Variants in SPTY2D1 observed in about 807,000 individuals in gnomAD.
SPTY2D1 encodes the protein SPT2 chromatin protein domain containing 1, also known as protein SPT2 homolog.
Under a neutral mutation model 64.0 loss-of-function variants are expected in SPTY2D1, and 21 were observed. That is an observed-to-expected ratio of 0.33 (90% confidence interval 0.23 to 0.47). The LOEUF is 0.47. Among genes scored for constraint, SPTY2D1 ranks in the 20% least tolerant of loss-of-function variants. The pLI is 1.00. For synonymous variants in SPTY2D1, 287 were observed against 286.8 expected (o/e 1.00, Z -0.01); for missense variants, 724 against 837.2 (o/e 0.86, Z 1.67).
chr11:18,624,138 T>C (rs1473104450), intron 1 of SPTY2D1, among the ~76,000 whole-genome samples: 6 of 151,936 alleles, frequency 3.9e-5, no homozygotes, highest in Admixed American at 3.9e-4. Flanking sequence ...AAAAGATGTG[T>C]TGTAATGGAA....
At chr11:18,616,146 T>C in intron 2 of SPTY2D1, 48 bp from the exon 3 acceptor site, 2 of 1,500,966 alleles carry the variant, frequency 1.3e-6, no homozygotes, top group African/African-American at 1.4e-5. Flanking sequence ...GATCTCAAGA[T>C]TGCAGTATGC....
chr11:18,624,176 G>A (rs1854460528), intron 1 of SPTY2D1, among the ~76,000 whole-genome samples: 1 of 150,122 alleles, frequency 6.7e-6, no homozygotes. Flanking sequence ...CCCCAGAGGG[G>A]CAGCCCAGTG....
Position 18,614,734 on chromosome 11 carries a change from G to C in SPTY2D1, c.1540C>G (p.Pro514Ala), listed in dbSNP as rs1292188399. 1.2e-6 allele frequency: 2 copies of C among 1,614,010 alleles called. No homozygotes were observed. The highest frequency in any genetic ancestry group is 1.7e-6 in the Non-Finnish European group (2 of 1,179,968). The part of the protein sequence containing the change: ...RTVSNSVPGR[P>A]VSSLGPGQTV... ...TGCCCAGGTCCCAAGCTGCTCACTG[G>C]TCTTCCTGGGACTGAATTACTGACA... The change falls in exon 3 of 6, where the codon CCA (proline) becomes GCA (alanine). Residue 514 changes from proline (P) to alanine (A), a missense_variant. Around this residue, in one of 3 missense-constraint regions of SPTY2D1, gnomAD observed 426 missense variants for 431.8 expected, o/e 0.99. Coordinates refer to ENST00000336349, the MANE Select transcript of SPTY2D1 (RefSeq NM_194285.3).
intron 1 of SPTY2D1, among the ~76,000 whole-genome samples, chr11:18,626,616 C>G (rs1854503022): frequency 6.6e-6 from 1 of 152,174 alleles, no homozygotes; most frequent in Non-Finnish European, 1.5e-5. Context: ...CTCTGCTCTA[C>G]CATATCTAGC....
intron 1 of SPTY2D1, among the ~76,000 whole-genome samples, chr11:18,633,935 T>C (rs1279434872): frequency 1.3e-5 from 2 of 152,210 alleles, no homozygotes; most frequent in African/African-American, 2.4e-5. Context: ...CACGCAATTC[T>C]AGCTACAACA....
At chr11:18,622,943 ACT>A (rs1220980897) in intron 1 of SPTY2D1, among the ~76,000 whole-genome samples, 3 of 145,954 alleles carry the variant, frequency 2.1e-5, no homozygotes, top group Non-Finnish European at 3.0e-5. Flanking sequence ...CAAGAGCAAA[ACT>A]CTGTCTCAAA....
chr11:18,623,683 A>G (rs1854452899), intron 1 of SPTY2D1, among the ~76,000 whole-genome samples: 1 of 152,250 alleles, frequency 6.6e-6, no homozygotes, highest in Non-Finnish European at 1.5e-5. Context: ...TCAAGACTAC[A>G]GCATGAACTC....
chr11:18,611,782 G>A (rs1183520868), intron 4 of SPTY2D1, among the ~76,000 whole-genome samples: 1 of 152,142 alleles, frequency 6.6e-6, no homozygotes, highest in Non-Finnish European at 1.5e-5. Flanking sequence ...CTATTCTGAA[G>A]CTAATGTTCA....
chr11:18,617,799 G>A (rs1056596594), intron 1 of SPTY2D1, among the ~76,000 whole-genome samples: 6 of 151,352 alleles, frequency 4.0e-5, no homozygotes, highest in African/African-American at 1.2e-4. Flanking sequence ...AAAATTAGCC[G>A]GGCATGGTGG....
rs763356549 is a variant in SPTY2D1, at chr11:18,634,269, G to GCGGGAGAGACTGGGCCAGGCACT, written c.-35_-13dup. On this transcript the variant is annotated 5_prime_UTR_variant, in exon 1 of 6. Coordinates refer to ENST00000336349, the MANE Select transcript of SPTY2D1 (RefSeq NM_194285.3). The stretch of plus-strand genomic sequence containing the variant: ...TCTCTGAAGTCCATGTTGGGCCGAG[G>GCGGGAGAGACTGGGCCAGGCACT]CGGGAGAGACTGGGCCAGGCACTCG... 11 of 1,613,944 alleles carry GCGGGAGAGACTGGGCCAGGCACT rather than the reference G, an allele frequency of 6.8e-6. No individual in the cohort carries two copies. In the African/African-American group the frequency reaches 1.5e-4, roughly 22 times the overall value.
intron 1 of SPTY2D1, among the ~76,000 whole-genome samples, chr11:18,628,533 T>C (rs1335470519): frequency 6.6e-6 from 1 of 152,096 alleles, no homozygotes; most frequent in Admixed American, 6.6e-5. Flanking sequence ...TTACATTATA[T>C]TCTATTTAGT....
intron 1 of SPTY2D1, among the ~76,000 whole-genome samples, chr11:18,626,645 G>A (rs1410867997): frequency 6.6e-6 from 1 of 152,096 alleles, no homozygotes; most frequent in Non-Finnish European, 1.5e-5. Flanking sequence ...TGTGACCATG[G>A]GCAAGTTACG....
In SPTY2D1 at chr11:18,606,554, G is replaced by A. The variant is rs1408239766; in HGVS notation, c.*3307C>T. Reference sequence around the variant, plus strand: ...ATTTTTTTAACTTGATTTGTCCATTGTGTAAAAGACAGGATGGATTTAATT... The same window carrying A: ...ATTTTTTTAACTTGATTTGTCCATTATGTAAAAGACAGGATGGATTTAATT... On this transcript the variant is annotated 3_prime_UTR_variant, in exon 6 of 6. Transcript: ENST00000336349. 8.0e-6 allele frequency: 2 copies of A among 248,774 alleles called. No individual in the cohort carries two copies. The highest frequency in any genetic ancestry group is 1.6e-5 in the Non-Finnish European group (2 of 127,956). 15.4% of individuals were successfully genotyped at this position (248,774 alleles called of 1,614,324 possible). A position where few individuals can be genotyped will look rare whatever the true frequency, so the allele number is the denominator to read the frequency against.
chr11:18,609,899 TTTC>T lies in SPTY2D1; in HGVS notation c.2017_2019del (p.Glu673del), dbSNP rs768363568. The T allele has an allele frequency of 2.7e-5, 43 of 1,614,058 alleles. No homozygotes were observed. The highest frequency in any genetic ancestry group is 1.1e-4 in the East Asian group (5 of 44,894). Reference sequence around the variant, plus strand: ...AGCTTCTTGGCCCTTCGACGTTGCATTTCTTCTTCTTCACGTCTCATTTCCTCT... The same window carrying T: ...AGCTTCTTGGCCCTTCGACGTTGCATTTCTTCTTCACGTCTCATTTCCTCT... On this transcript the variant is annotated inframe_deletion, in exon 6 of 6. Coordinates refer to ENST00000336349, the MANE Select transcript of SPTY2D1 (RefSeq NM_194285.3).
intron 3 of SPTY2D1, among the ~76,000 whole-genome samples, chr11:18,613,796 T>G (rs1854244411): frequency 6.6e-6 from 1 of 152,112 alleles, no homozygotes; most frequent in Non-Finnish European, 1.5e-5. Flanking sequence ...GACAGCAGAT[T>G]CCTGAAGGAT....
At chr11:18,628,946 C>A (rs1234071164) in intron 1 of SPTY2D1, among the ~76,000 whole-genome samples, 2 of 152,076 alleles carry the variant, frequency 1.3e-5, no homozygotes, top group Non-Finnish European at 2.9e-5. Context: ...TCTACCTGGC[C>A]CCTGAAGACA....
Position 18,615,533 on chromosome 11 carries a change from T to A in SPTY2D1, c.741A>T (p.Gly247=), listed in dbSNP as rs765173382. The change falls in exon 3 of 6, where the codon GGA becomes GGT. Residue 247 remains glycine, a synonymous_variant. Transcript: ENST00000336349. The stretch of plus-strand genomic sequence containing the variant: ...TTCCTTTGGAAGAAGGATGCCTGTC[T>A]CCAGAACCTTTGCTAAGTTTTGTGC... ...SVGTKLSKGS[G]DRHPSSKGMP... is the part of the protein sequence containing the mutation. 6.2e-7 allele frequency: 1 copy of A among 1,614,232 alleles called. No homozygotes were observed. Among genetic ancestry groups the A allele is most frequent in the South Asian group, 1.1e-5 (1 of 91,086 alleles).
rs570598640 is a variant in SPTY2D1 at position 18,609,893 on chromosome 11, G to A, written c.2026C>T (p.Arg676Cys). ...CTCTTCAGCTTCTTGGCCCTTCGACGTTGCATTTCTTCTTCTTCACGTCTC... is the reference window on the plus strand; with the variant it reads ...CTCTTCAGCTTCTTGGCCCTTCGACATTGCATTTCTTCTTCTTCACGTCTC... ...EMRREEEEMQ[R>C]RRAKKLKRR The change falls in exon 6 of 6, where the codon CGT becomes TGT. Residue 676 changes from arginine (R) to cysteine (C), a missense_variant. Physicochemically the swap from Arg to Cys is radical, Grantham distance 180. Coordinates refer to ENST00000336349, the MANE Select transcript of SPTY2D1 (RefSeq NM_194285.3). 8 of 1,613,994 alleles carry A rather than the reference G, an allele frequency of 5.0e-6. No individual in the cohort carries two copies. The highest frequency in any genetic ancestry group is 1.7e-5 in the Admixed American group (1 of 59,992).
At position 18,615,522 on chromosome 11, in the gene SPTY2D1, G is replaced by A; in HGVS notation, c.752C>T (p.Pro251Leu). The change falls in exon 3 of 6, where the codon CCT becomes CTT. Residue 251 changes from proline (P) to leucine (L), a missense_variant. Pro to Leu is a moderately conservative substitution (Grantham distance 98). This residue lies in a region of SPTY2D1 where 426 missense variants were observed against 431.8 expected (regional missense o/e 0.99). Transcript: ENST00000336349. ...AGGAAGGGGCATTCCTTTGGAAGAA[G>A]GATGCCTGTCTCCAGAACCTTTGCT... ...KLSKGSGDRHPSSKGMPLPHA... is the reference protein window; with the variant it reads ...KLSKGSGDRHLSSKGMPLPHA... 6.2e-7 allele frequency: 1 copy of A among 1,614,220 alleles called. No individual in the cohort carries two copies. The highest frequency in any genetic ancestry group is 8.5e-7 in the Non-Finnish European group (1 of 1,180,044).
Sources: allele counts gnomAD v4.1 joint callset (sites outside exome capture counted in the v4.1 genomes callset), GRCh38; gene constraint gnomAD v4.1.1; regional missense constraint gnomAD v4.1.1; transcripts MANE v1.5; gene names NCBI Gene and HGNC (gene_info 2026-07-23, HGNC 2026-07-21).